ZNG1A: variants seen among roughly 807,000 people sequenced by gnomAD.
ZNG1A encodes zinc-regulated GTPase metalloprotein activator 1A.
chr9:142,278 C>A, the ZNG1A span, among the ~76,000 whole-genome samples: 3 of 118,532 alleles, frequency 2.5e-5, no homozygotes, highest in Admixed American at 9.0e-5. Context: ...CCAAAATTGA[C>A]CACATACTTG....
the ZNG1A span, chr9:162,545 G>C: frequency 6.6e-7 from 1 of 1,521,912 alleles, no homozygotes; most frequent in Non-Finnish European, 8.9e-7. Context: ...ACTTCAAAAT[G>C]AAAATTAAAA....
At chr9:158,027 A>C in the ZNG1A span, among the ~76,000 whole-genome samples, 90 of 148,518 alleles carry the variant, frequency 6.1e-4, 1 homozygote, top group Admixed American at 5.3e-3. Flanking sequence ...CCCACTCTGC[A>C]ATTATGGAAG....
the ZNG1A span, chr9:177,581 G>C: frequency 6.8e-7 from 1 of 1,477,684 alleles, no homozygotes; most frequent in East Asian, 2.5e-5. Flanking sequence ...AAATGTAGTA[G>C]AAGCCAAAAG....
At chr9:136,794 T>C in the ZNG1A span, among the ~76,000 whole-genome samples, 41 of 152,058 alleles carry the variant, frequency 2.7e-4, no homozygotes, top group East Asian at 7.6e-3. Context: ...ATCCCAGCAC[T>C]TTAAGAGGCC....
chr9:135,834 A>G, the ZNG1A span, among the ~76,000 whole-genome samples: 1 of 107,632 alleles, frequency 9.3e-6, no homozygotes, highest in Non-Finnish European at 1.7e-5. Flanking sequence ...AGAATGTCAA[A>G]TTAAATCCTT....
the ZNG1A span, chr9:148,792 C>T: frequency 6.7e-6 from 1 of 148,742 alleles, no homozygotes; most frequent in Non-Finnish European, 1.5e-5. Flanking sequence ...TAGCCTAAGA[C>T]CAAGGACAGG....
the ZNG1A span, among the ~76,000 whole-genome samples, chr9:160,739 TA>T: frequency 1.6e-4 from 20 of 122,518 alleles, 1 homozygote; most frequent in East Asian, 5.7e-4. Context: ...TCTATCAAAA[TA>T]AAAAAAAAAC....
the ZNG1A span, among the ~76,000 whole-genome samples, chr9:175,065 T>G: frequency 7.2e-5 from 11 of 152,298 alleles, no homozygotes; most frequent in African/African-American, 2.2e-4. Flanking sequence ...CATACAAAAG[T>G]GCTTTCCTAA....
chr9:169,708 C>T, the ZNG1A span, among the ~76,000 whole-genome samples: 1 of 149,894 alleles, frequency 6.7e-6, no homozygotes, highest in Non-Finnish European at 1.5e-5. Context: ...GTGGCAAGAC[C>T]CTCTACCAGC....
the ZNG1A span, among the ~76,000 whole-genome samples, chr9:171,228 C>G: frequency 6.6e-6 from 1 of 152,050 alleles, no homozygotes; most frequent in Non-Finnish European, 1.5e-5. Context: ...CATTTGAACT[C>G]TCAGGATACT....
chr9:163,495 G>A, the ZNG1A span, among the ~76,000 whole-genome samples: 1 of 151,716 alleles, frequency 6.6e-6, no homozygotes. Flanking sequence ...CACTGTCTGG[G>A]GTTTTTTAAT....
At chr9:145,441 C>T in the ZNG1A span, among the ~76,000 whole-genome samples, 3,346 of 150,142 alleles carry the variant, frequency 0.022, 65 homozygotes, top group Middle Eastern at 0.055. Flanking sequence ...AGTAAACTAT[C>T]GCAAGAACAA....
the ZNG1A span, among the ~76,000 whole-genome samples, chr9:170,417 G>T: frequency 6.7e-6 from 1 of 148,222 alleles, no homozygotes; most frequent in Non-Finnish European, 1.5e-5. Flanking sequence ...GTACAGTCTT[G>T]CTCTGTTGCC....
the ZNG1A span, among the ~76,000 whole-genome samples, chr9:170,541 T>C: frequency 6.9e-6 from 1 of 144,856 alleles, no homozygotes; most frequent in Non-Finnish European, 1.5e-5. Flanking sequence ...GTGCGCCACA[T>C]CGCCTGGCTA....
At chr9:156,376 C>T in the ZNG1A span, 1 of 1,432,988 alleles carries the variant, frequency 7.0e-7, no homozygotes, top group African/African-American at 1.4e-5. Context: ...AATAAATTTT[C>T]CTTGACTATG....
chr9:141,396 G>A, the ZNG1A span, among the ~76,000 whole-genome samples: 3 of 149,496 alleles, frequency 2.0e-5, no homozygotes, highest in Non-Finnish European at 4.4e-5. Flanking sequence ...TCAACATTCT[G>A]AAAGAAAAGA....
the ZNG1A span, among the ~76,000 whole-genome samples, chr9:145,725 C>G: frequency 6.6e-6 from 1 of 150,574 alleles, no homozygotes; most frequent in Non-Finnish European, 1.5e-5. Flanking sequence ...TTAAAAAAAA[C>G]TCAAGAAAAA....
chr9:160,674 A>T, the ZNG1A span, among the ~76,000 whole-genome samples: 1 of 151,328 alleles, frequency 6.6e-6, no homozygotes, highest in Non-Finnish European at 1.5e-5. Flanking sequence ...ATATAAAATT[A>T]TTCCTATAAT....
At chr9:146,198 G>A in the ZNG1A span, 1 of 1,584,066 alleles carries the variant, frequency 6.3e-7, no homozygotes, top group Non-Finnish European at 8.5e-7. Context: ...TGGAAATTCT[G>A]TGAAATACAT....
Sources: gnomAD v4.1 joint callset for allele counts (sites outside exome capture counted in the v4.1 genomes callset) on GRCh38, gnomAD v4.1.1 for gene constraint, MANE v1.5 for transcripts, NCBI Gene and HGNC (gene_info 2026-07-23, HGNC 2026-07-21) for gene names.